The following CPEB2 variants were observed in gnomAD, a reference collection of about 807,000 sequenced individuals.
CPEB2 encodes cytoplasmic polyadenylation element binding protein 2.
In CPEB2, 56 loss-of-function variants were observed where a neutral mutation model predicts 93.6. The observed-to-expected ratio is 0.60, with a 90% CI of 0.48 to 0.75. The LOEUF is 0.75. Ranked by LOEUF, CPEB2 falls within the 30% of genes least tolerant of loss-of-function variation. The pLI, the probability that CPEB2 is intolerant of heterozygous loss-of-function variation, is 0.00. For missense variants in CPEB2, 1,579 were observed against 1,395.1 expected (o/e 1.13, Z -2.10); for synonymous variants, 764 against 586.3 (o/e 1.30, Z -4.38).
intron 3 of CPEB2, among the ~76,000 whole-genome samples, chr4:15,010,080 A>T (rs1468856072): frequency 6.6e-6 from 1 of 152,202 alleles, no homozygotes; most frequent in Admixed American, 6.5e-5. Context: ...AGTAAAACAC[A>T]GTGGTGGGGG....
chr4:15,031,249 A>G (rs1398644021), intron 4 of CPEB2, among the ~76,000 whole-genome samples: 2 of 151,892 alleles, frequency 1.3e-5, no homozygotes, highest in African/African-American at 4.8e-5. Context: ...GAACAGTGAT[A>G]CAGGTTGCCA....
chr4:15,031,526 A>G (rs1207233573), intron 4 of CPEB2, among the ~76,000 whole-genome samples: 1 of 152,174 alleles, frequency 6.6e-6, no homozygotes. Flanking sequence ...CACAACAAGA[A>G]ATTTACTTGT....
rs538863173 is a variant in CPEB2 at position 15,030,353 on chromosome 4, C to G, written c.2126-2808C>G. 4.6e-5 allele frequency among the ~76,000 whole-genome samples: 7 copies of G among 152,130 alleles called. No individual in the cohort carries two copies. In the East Asian group the frequency reaches 5.8e-4, roughly 13 times the overall value. On this transcript the variant is annotated intron_variant, in intron 4 of 11. Transcript: ENST00000538197. ...TAGGTTCAGGTTCTGCCAGTGCTAC[C>G]TGCCAGTGGTATAACCTTGGGCAAC... is the stretch of plus-strand genomic sequence containing the variant.
chr4:15,008,264 C>CTTTCT, intron 2 of CPEB2, 74 bp from the exon 3 acceptor site: 1 of 956,492 alleles, frequency 1.0e-6, no homozygotes, highest in East Asian at 2.5e-5. Flanking sequence ...TTTTTGTTTT[C>CTTTCT]TTTCTTTCTT....
rs1729750859 is a variant in CPEB2 at position 15,067,056 on chromosome 4, T to TA, written c.*680dup. The TA allele has an allele frequency of 6.6e-6, 1 of 152,634 alleles. No homozygotes were observed. The highest frequency in any genetic ancestry group is 1.5e-5 in the Non-Finnish European group (1 of 68,092). 9.5% of individuals were successfully genotyped at this position (152,634 alleles called of 1,614,324 possible). A position where few individuals can be genotyped will look rare whatever the true frequency, so the allele number is the denominator to read the frequency against. ...CGTTAGAGACACACTGCATTGCAGA[T>TA]AAAATGCAGGCAGCACAATATGGCC... On this transcript the variant is annotated 3_prime_UTR_variant, in exon 12 of 12. Coordinates refer to ENST00000538197, the MANE Select transcript of CPEB2 (RefSeq NM_001177382.2).
chr4:15,033,261 G>A (rs749866438), intron 5 of CPEB2, 50 bp downstream of exon 5: 1 of 1,141,706 alleles, frequency 8.8e-7, no homozygotes, highest in Admixed American at 1.8e-5. Context: ...ATGTAAAGAT[G>A]ATTTAATACA....
chr4:15,031,470 G>GTA (rs1726084159), intron 4 of CPEB2, among the ~76,000 whole-genome samples: 1 of 152,110 alleles, frequency 6.6e-6, no homozygotes, highest in South Asian at 2.1e-4. Flanking sequence ...TGTTGATTGT[G>GTA]TACTTCCCAT....
At chr4:15,057,779 C>A (rs922861398) in intron 8 of CPEB2, among the ~76,000 whole-genome samples, 7 of 152,168 alleles carry the variant, frequency 4.6e-5, no homozygotes, top group African/African-American at 1.7e-4. Flanking sequence ...ATCCATCTGA[C>A]CCATGTTTTA....
chr4:15,036,899 A>G (rs1048946360), intron 5 of CPEB2, among the ~76,000 whole-genome samples: 1 of 152,196 alleles, frequency 6.6e-6, no homozygotes. Flanking sequence ...TCTAACTTGT[A>G]TCTATTCAGT....
chr4:15,060,896 C>T (rs1247679609), intron 10 of CPEB2, among the ~76,000 whole-genome samples: 1 of 152,050 alleles, frequency 6.6e-6, no homozygotes, highest in African/African-American at 2.4e-5. Flanking sequence ...GGAGGTGAGG[C>T]AATTGGACTC....
intron 4 of CPEB2, among the ~76,000 whole-genome samples, chr4:15,018,333 A>G (rs1162237498): frequency 6.6e-6 from 1 of 151,860 alleles, no homozygotes; most frequent in Non-Finnish European, 1.5e-5. Context: ...TTTTTCTTGT[A>G]AAAAGAATTC....
intron 4 of CPEB2, among the ~76,000 whole-genome samples, chr4:15,032,559 A>G (rs1726226333): frequency 8.7e-6 from 1 of 115,328 alleles, no homozygotes; most frequent in Non-Finnish European, 2.0e-5. Context: ...ATCAGCTTTA[A>G]TTTTTTTTAT....
rs185509657 is a variant in CPEB2, at chr4:15,066,148, T to A, written c.2878-5T>A. The A allele has an allele frequency of 6.2e-7, 1 of 1,609,146 alleles. No individual in the cohort carries two copies. The stretch of plus-strand genomic sequence containing the variant: ...TAATGAGACTTAACTTTCTTTTTTT[T>A]CAAGGTGGAGGTAAAGCCATATGTG... On this transcript the variant is annotated splice_region_variant and splice_polypyrimidine_tract_variant and intron_variant, in intron 11 of 11. Coordinates refer to ENST00000538197, the MANE Select transcript of CPEB2 (RefSeq NM_001177382.2).
chr4:15,061,978 T>G (rs1729229690), intron 10 of CPEB2, 101 bp from the exon 11 acceptor site: 2 of 1,096,172 alleles, frequency 1.8e-6, no homozygotes, highest in Non-Finnish European at 2.6e-6. Context: ...CCTGGTCAAA[T>G]GATAATATAC....
intron 3 of CPEB2, among the ~76,000 whole-genome samples, chr4:15,009,796 A>C (rs1384737445): frequency 6.6e-6 from 1 of 152,198 alleles, no homozygotes; most frequent in African/African-American, 2.4e-5. Flanking sequence ...AGATGTTGAG[A>C]AATCAGATTA....
intron 6 of CPEB2, among the ~76,000 whole-genome samples, chr4:15,051,534 C>CT (rs1165890921): frequency 2.2e-4 from 33 of 151,768 alleles, no homozygotes; most frequent in Admixed American, 1.8e-3. Context: ...TAATGCCTCA[C>CT]TATGTACTGC....
Position 15,003,530 on chromosome 4 carries a change from C to G in CPEB2, c.857C>G (p.Pro286Arg). 1 of 1,449,458 alleles carries G rather than the reference C, an allele frequency of 6.9e-7. No individual in the cohort carries two copies. The highest frequency in any genetic ancestry group is 9.1e-7 in the Non-Finnish European group (1 of 1,103,228). The allele number at this position is 1,449,458 out of a possible 1,614,324, so 89.8% of individuals were successfully genotyped here. A position where few individuals can be genotyped will look rare whatever the true frequency, so the allele number is the denominator to read the frequency against. The change falls in exon 1 of 12, where the codon CCA becomes CGA. Residue 286 changes from proline (P) to arginine (R), a missense_variant. Coordinates refer to ENST00000538197, the MANE Select transcript of CPEB2 (RefSeq NM_001177382.2). ...HGGAGSPRKT[P>R]AAGEGSAAES... ...GGCGCGGGCAGCCCTCGCAAGACCC[C>G]AGCCGCGGGCGAGGGCAGCGCCGCC...
At chr4:15,008,264 C>G (rs1293342850) in intron 2 of CPEB2, 74 bp from the exon 3 acceptor site, 3 of 956,382 alleles carry the variant, frequency 3.1e-6, no homozygotes, top group Admixed American at 4.0e-5. Context: ...TTTTTGTTTT[C>G]TTTCTTTCTT....
chr4:15,041,373 G>T (rs1346580107), intron 6 of CPEB2, among the ~76,000 whole-genome samples: 1 of 151,918 alleles, frequency 6.6e-6, no homozygotes, highest in East Asian at 1.9e-4. Flanking sequence ...AAGCCATAGA[G>T]GATAGACAGG....
Sources: allele counts gnomAD v4.1 joint callset (sites outside exome capture counted in the v4.1 genomes callset), GRCh38; gene constraint gnomAD v4.1.1; transcripts MANE v1.5; gene names NCBI Gene and HGNC (gene_info 2026-07-23, HGNC 2026-07-21).